The following BLTP1 variants were observed in gnomAD, a reference collection of about 807,000 sequenced individuals.
BLTP1 encodes bridge-like lipid transfer protein family member 1.
the BLTP1 span, chr4:122,254,407 A>G: frequency 5.0e-6 from 7 of 1,403,998 alleles, no homozygotes; most frequent in Middle Eastern, 1.9e-4. Flanking sequence ...AATAGTATAC[A>G]ATTCTGTTTC....
the BLTP1 span, chr4:122,286,866 C>G: frequency 1.7e-6 from 2 of 1,180,906 alleles, no homozygotes; most frequent in South Asian, 1.5e-5. Flanking sequence ...TGTAGTAATC[C>G]AAACTTTTAA....
chr4:122,242,060 A>G, the BLTP1 span, among the ~76,000 whole-genome samples: 1 of 152,188 alleles, frequency 6.6e-6, no homozygotes. Context: ...TATGAAAAAC[A>G]GTATGGAGAT....
the BLTP1 span, chr4:122,347,414 G>T: frequency 7.2e-7 from 1 of 1,394,246 alleles, no homozygotes; most frequent in Non-Finnish European, 9.7e-7. Flanking sequence ...GAACTAGAAG[G>T]AATATGTAAT....
At chr4:122,278,057 A>G in the BLTP1 span, among the ~76,000 whole-genome samples, 1 of 152,152 alleles carries the variant, frequency 6.6e-6, no homozygotes, top group Non-Finnish European at 1.5e-5. Context: ...TAAATATATT[A>G]ATATTTTTAG....
At chr4:122,313,760 G>C in the BLTP1 span, 1 of 905,028 alleles carries the variant, frequency 1.1e-6, no homozygotes. Context: ...AGAATCTTTT[G>C]GCTAAGCTAA....
chr4:122,220,666 C>T, the BLTP1 span, among the ~76,000 whole-genome samples: 1 of 152,128 alleles, frequency 6.6e-6, no homozygotes, highest in Non-Finnish European at 1.5e-5. Flanking sequence ...TTTTCTTTTG[C>T]TGCTCCCTAT....
chr4:122,162,732 CAACA>C, the BLTP1 span: 2 of 744,410 alleles, frequency 2.7e-6, no homozygotes, highest in Non-Finnish European at 3.2e-6. Context: ...ATAACAACAA[CAACA>C]AAAAAAAAAC....
the BLTP1 span, chr4:122,266,866 A>G: frequency 6.2e-7 from 1 of 1,612,606 alleles, no homozygotes; most frequent in Non-Finnish European, 8.5e-7. Flanking sequence ...ACTTTGGAGA[A>G]CACCTTTCAT....
chr4:122,238,283 G>C, the BLTP1 span: 1 of 1,614,114 alleles, frequency 6.2e-7, no homozygotes, highest in South Asian at 1.1e-5. Flanking sequence ...TCCTTCATCT[G>C]TTGCTGATGA....
At chr4:122,286,466 C>T in the BLTP1 span, 1 of 1,577,536 alleles carries the variant, frequency 6.3e-7, no homozygotes. Flanking sequence ...TCTTAGATAC[C>T]CTTTTTGGAA....
the BLTP1 span, chr4:122,171,897 C>T: frequency 2.6e-5 from 26 of 985,052 alleles, no homozygotes; most frequent in Admixed American, 6.2e-5. Context: ...GAAAAGACTA[C>T]GATTCCTGGC....
At chr4:122,162,776 T>G in the BLTP1 span, 1 of 451,476 alleles carries the variant, frequency 2.2e-6, no homozygotes, top group Non-Finnish European at 2.9e-6. Flanking sequence ...AAGGATGAAG[T>G]AAAAATGTTT....
the BLTP1 span, among the ~76,000 whole-genome samples, chr4:122,264,743 T>C: frequency 6.6e-6 from 1 of 152,192 alleles, no homozygotes; most frequent in Non-Finnish European, 1.5e-5. Flanking sequence ...AAGACTTTAT[T>C]GAGCGAGCAG....
the BLTP1 span, chr4:122,197,273 T>C: frequency 2.0e-6 from 3 of 1,485,724 alleles, no homozygotes; most frequent in Non-Finnish European, 2.7e-6. Context: ...TTGAAGAAAA[T>C]GGTAAGCTGC....
At chr4:122,284,977 A>G in the BLTP1 span, among the ~76,000 whole-genome samples, 1 of 152,186 alleles carries the variant, frequency 6.6e-6, no homozygotes, top group Admixed American at 6.5e-5. Context: ...AATTTTGCTG[A>G]ACATTTAGAA....
chr4:122,288,731 C>T, the BLTP1 span: 1 of 572,054 alleles, frequency 1.7e-6, no homozygotes, highest in South Asian at 7.6e-5. Context: ...ATTCTAAGAC[C>T]ACAAAAGTGG....
chr4:122,163,839 A>G, the BLTP1 span, among the ~76,000 whole-genome samples: 2 of 152,198 alleles, frequency 1.3e-5, no homozygotes, highest in African/African-American at 4.8e-5. Flanking sequence ...TTCTGGAACA[A>G]TATAGTCTGA....
chr4:122,198,519 T>TCC, the BLTP1 span: 1 of 857,974 alleles, frequency 1.2e-6, no homozygotes, highest in Non-Finnish European at 1.4e-6. Flanking sequence ...TTTTACTGTT[T>TCC]TATGCAGTAT....
the BLTP1 span, chr4:122,328,288 A>G: frequency 6.2e-7 from 1 of 1,611,004 alleles, no homozygotes; most frequent in Admixed American, 1.7e-5. Flanking sequence ...TCTACCAGTG[A>G]AGATTCCGAG....
Sources: allele counts gnomAD v4.1 joint callset (sites outside exome capture counted in the v4.1 genomes callset), GRCh38; gene constraint gnomAD v4.1.1; transcripts MANE v1.5; gene names NCBI Gene and HGNC (gene_info 2026-07-23, HGNC 2026-07-21).